Variants in AFAP1L1 observed in about 807,000 individuals in gnomAD.
AFAP1L1 encodes actin filament associated protein 1 like 1, also known as actin filament-associated protein 1-like 1.
AFAP1L1 carries 77 observed loss-of-function variants against 99.8 expected under a neutral mutation model. The ratio of observed to expected loss-of-function variants is 0.77; its 90% CI spans 0.64 to 0.93. The LOEUF (loss-of-function observed/expected upper bound fraction) is 0.93, where lower values mean the gene tolerates loss of function less well. AFAP1L1 is among the 40% of genes least tolerant of loss of function. The probability of loss-of-function intolerance (pLI) is 0.00; values close to 1 mark genes in which losing one functional copy is unlikely to be tolerated. For synonymous variants in AFAP1L1, 373 were observed against 395.3 expected, an observed-to-expected ratio of 0.94 and a Z score of 0.67; for missense variants, 893 against 996.8, an observed-to-expected ratio of 0.90 and a Z score of 1.40.
At chr5:149,297,392 C>T (rs1211192554) in intron 1 of AFAP1L1, among the ~76,000 whole-genome samples, 2 of 152,088 alleles carry the variant, frequency 1.3e-5, no homozygotes, top group African/African-American at 4.8e-5. Flanking sequence ...CTCTACCTCT[C>T]AAGCTGTGCC....
In AFAP1L1 at chr5:149,271,910, C is replaced by G; in HGVS notation, c.-59C>G. On this transcript the variant is annotated 5_prime_UTR_variant, in exon 1 of 19. Coordinates refer to ENST00000296721, the MANE Select transcript of AFAP1L1 (RefSeq NM_152406.4). ...TGAGAGCGCAGCGCGCCGGCCGCTA[C>G]CAGCCGCGCCGGAGCCCCTGCGCCC... 5 of 1,200,468 alleles carry G rather than the reference C, an allele frequency of 4.2e-6. No homozygotes were observed. The highest frequency in any genetic ancestry group is 5.2e-6 in the Non-Finnish European group (5 of 965,242). 74.4% of individuals were successfully genotyped at this position (1,200,468 alleles called of 1,614,324 possible). A position where few individuals can be genotyped will look rare whatever the true frequency, so the allele number is the denominator to read the frequency against.
rs181449215 is a variant in AFAP1L1, at chr5:149,343,550, A to G, written c.*3520A>G. Among the ~76,000 whole-genome samples the G allele has an allele frequency of 4.7e-4, 72 of 152,332 alleles. 1 individual carries two copies. In the East Asian group the frequency reaches 0.011, roughly 24 times the overall value. ...AGATGTCAGAAATCAGTGGTGAACA[A>G]GACAGACACCTCATGAAGCTCACAT... On this transcript the variant is annotated 3_prime_UTR_variant, in exon 19 of 19. Transcript: ENST00000296721.
At chr5:149,324,099 G>T (rs1757028757) in intron 15 of AFAP1L1, among the ~76,000 whole-genome samples, 1 of 152,254 alleles carries the variant, frequency 6.6e-6, no homozygotes, top group East Asian at 1.9e-4. Context: ...GGAAACCACA[G>T]TGGAAAACTA....
At chr5:149,327,647 A>G (rs1270698459) in intron 15 of AFAP1L1, among the ~76,000 whole-genome samples, 1 of 152,180 alleles carries the variant, frequency 6.6e-6, no homozygotes, top group African/African-American at 2.4e-5. Flanking sequence ...AATAACTGAA[A>G]CGAAAAACTC....
At chr5:149,315,769 G>C in intron 9 of AFAP1L1, 52 bp from the exon 10 acceptor site, 1 of 1,507,218 alleles carries the variant, frequency 6.6e-7, no homozygotes, top group Middle Eastern at 1.7e-4. Flanking sequence ...AGGGAAATTT[G>C]GGTACTTCTG....
At chr5:149,318,042 A>G in intron 12 of AFAP1L1, 102 bp downstream of exon 12, 2 of 1,347,940 alleles carry the variant, frequency 1.5e-6, no homozygotes, top group East Asian at 2.5e-5. Context: ...CACCATGGGG[A>G]CTGAAGGGGA....
chr5:149,320,756 C>T lies in AFAP1L1; in HGVS notation c.1698+293C>T, dbSNP rs568507075. On this transcript the variant is annotated intron_variant, in intron 14 of 18. Coordinates refer to ENST00000296721, the MANE Select transcript of AFAP1L1 (RefSeq NM_152406.4). This position sits in a 1 kb window ranked among gnomAD's most constrained non-coding sequence, Gnocchi z 4.0. Reference sequence around the variant, plus strand: ...CTCCGGTTTGAGCAAGTTGCTGGGGCCCTCCTCCTGTTTACCACTCTGTGA... The same window carrying T: ...CTCCGGTTTGAGCAAGTTGCTGGGGTCCTCCTCCTGTTTACCACTCTGTGA... Among the ~76,000 whole-genome samples the T allele has an allele frequency of 6.6e-6, 1 of 152,172 alleles. No homozygotes were observed. The highest frequency in any genetic ancestry group is 1.5e-5 in the Non-Finnish European group (1 of 68,030).
At chr5:149,303,674 G>A (rs1756303700) in intron 5 of AFAP1L1, among the ~76,000 whole-genome samples, 1 of 151,868 alleles carries the variant, frequency 6.6e-6, no homozygotes, top group South Asian at 2.1e-4. Context: ...TTTTTAAATA[G>A]GGTGTACACA....
At chr5:149,278,602 T>C (rs1388112317) in intron 1 of AFAP1L1, among the ~76,000 whole-genome samples, 1 of 152,210 alleles carries the variant, frequency 6.6e-6, no homozygotes, top group Non-Finnish European at 1.5e-5. Flanking sequence ...GCTCATAGCC[T>C]CTAGGCCTCT....
intron 1 of AFAP1L1, among the ~76,000 whole-genome samples, chr5:149,281,869 T>TATTCC (rs1476825124): frequency 2.6e-5 from 4 of 151,864 alleles, no homozygotes; most frequent in Non-Finnish European, 4.4e-5. Context: ...GAAAAGGAGG[T>TATTCC]CTGAATAATT....
At chr5:149,306,226 G>A (rs1025581622) in intron 5 of AFAP1L1, 80 bp from the exon 6 acceptor site, 3 of 1,216,940 alleles carry the variant, frequency 2.5e-6, no homozygotes, top group Non-Finnish European at 3.5e-6. Context: ...TGGAGCAGGG[G>A]TGTCAGGGTC....
At chr5:149,282,937 A>G (rs1457427736) in intron 1 of AFAP1L1, among the ~76,000 whole-genome samples, 1 of 152,202 alleles carries the variant, frequency 6.6e-6, no homozygotes, top group African/African-American at 2.4e-5. Flanking sequence ...AACCTTTTGC[A>G]AACAAAATCT....
Position 149,340,204 on chromosome 5 carries a change from C to A in AFAP1L1, c.*174C>A, listed in dbSNP as rs547450531. The A allele has an allele frequency of 6.2e-6, 4 of 641,526 alleles. No homozygotes were observed. The highest frequency in any genetic ancestry group is 3.7e-5 in the African/African-American group (2 of 54,516). The allele number at this position is 641,526 out of a possible 1,614,324, so 39.7% of individuals were successfully genotyped here. Reference sequence around the variant, plus strand: ...GATTTTAGGGGATATGGGGAGGGAACAAGTAGAAGGGAAGAGGGAAATGGA... The same window carrying A: ...GATTTTAGGGGATATGGGGAGGGAAAAAGTAGAAGGGAAGAGGGAAATGGA... On this transcript the variant is annotated 3_prime_UTR_variant, in exon 19 of 19. Transcript: ENST00000296721.
intron 5 of AFAP1L1, 46 bp from the exon 6 acceptor site, chr5:149,306,260 T>G: frequency 6.5e-7 from 1 of 1,538,154 alleles, no homozygotes; most frequent in Non-Finnish European, 8.9e-7. Context: ...GCCCCTGGAG[T>G]CTGCCTGCAT....
intron 17 of AFAP1L1, 84 bp from the exon 18 acceptor site, chr5:149,335,510 G>A (rs1757381410): frequency 6.8e-7 from 1 of 1,478,546 alleles, no homozygotes; most frequent in Middle Eastern, 2.5e-4. Flanking sequence ...ATAATAAAGT[G>A]TCCTCATGCT....
At chr5:149,272,125 G>T (rs1755133977) in intron 1 of AFAP1L1, 141 bp downstream of exon 1, 1 of 933,250 alleles carries the variant, frequency 1.1e-6, no homozygotes. Flanking sequence ...ACTGGGAGAC[G>T]CGGCGCTTAT....
At chr5:149,294,184 T>G (rs1299501059) in intron 1 of AFAP1L1, among the ~76,000 whole-genome samples, 4 of 152,152 alleles carry the variant, frequency 2.6e-5, no homozygotes, top group African/African-American at 7.2e-5. Flanking sequence ...TCACTTGGAG[T>G]ACTTGTAAAA....
rs1212830645 is a variant in AFAP1L1, at chr5:149,307,428, T to C, written c.562T>C (p.Ser188Pro). Reference sequence around the variant, plus strand: ...TAATGACTCTGACGCAATGAGCAGCTCCTATGAGTCCTACGATGAAGAGGA... The same window carrying C: ...TAATGACTCTGACGCAATGAGCAGCCCCTATGAGTCCTACGATGAAGAGGA... The part of the protein sequence containing the change: ...SYNDSDAMSS[S>P]YESYDEEEEE... Residue 188 changes from serine to proline, a missense_variant, in exon 7 of 19, where the codon TCC becomes CCC. Transcript: ENST00000296721. 5 of 1,613,852 alleles carry C rather than the reference T, an allele frequency of 3.1e-6. No homozygotes were observed. The highest frequency in any genetic ancestry group is 4.2e-6 in the Non-Finnish European group (5 of 1,180,008).
At chr5:149,337,065 T>G (rs1757425569) in intron 18 of AFAP1L1, among the ~76,000 whole-genome samples, 1 of 152,210 alleles carries the variant, frequency 6.6e-6, no homozygotes, top group Non-Finnish European at 1.5e-5. Flanking sequence ...ACAATCTCTT[T>G]TTTAAATATG....
Sources: gnomAD v4.1 joint callset for allele counts (sites outside exome capture counted in the v4.1 genomes callset) on GRCh38, gnomAD v4.1.1 for gene constraint, Gnocchi (gnomAD v3.1) non-coding constraint, MANE v1.5 for transcripts, NCBI Gene and HGNC (gene_info 2026-07-23, HGNC 2026-07-21) for gene names.